FAT4: variants seen among roughly 807,000 people sequenced by gnomAD.
FAT4 encodes the protein FAT atypical cadherin 4.
Under a neutral mutation model 303.9 loss-of-function variants are expected in FAT4, and 84 were observed. That is an observed-to-expected ratio of 0.28 (90% CI 0.23 to 0.33). FAT4 has a LOEUF of 0.33. Ranked by LOEUF, FAT4 falls within the 10% of genes least tolerant of loss-of-function variation. FAT4 has a pLI of 1.00. For synonymous variants in FAT4, 2,307 were observed against 2,298.8 expected, an observed-to-expected ratio of 1.00 and a Z score of -0.10; for missense variants, 6,005 against 6,146.8, an observed-to-expected ratio of 0.98 and a Z score of 0.77.
At position 125,317,874 on chromosome 4, in the gene FAT4, C is replaced by T; in HGVS notation, c.1463C>T (p.Ala488Val). 6.2e-7 allele frequency: 1 copy of T among 1,614,150 alleles called. No individual in the cohort carries two copies. Among genetic ancestry groups the T allele is most frequent in the Non-Finnish European group, 8.5e-7 (1 of 1,180,012 alleles). ...TACAGAGTGAACCTGAGCGAGGAGG[C>T]GCCTCCGGGAAGCTATGTGAGTGGG... ...QVYRVNLSEE[A>V]PPGSYVSGIS... is the part of the protein sequence containing the mutation. Residue 488 changes from alanine (A) to valine (V), a missense_variant, in exon 2 of 18, where the codon GCG becomes GTG. Coordinates refer to ENST00000394329, the MANE Select transcript of FAT4 (RefSeq NM_001291303.3). This position sits in a 1 kb window ranked among gnomAD's most constrained non-coding sequence, Gnocchi z 7.0.
At chr4:125,325,781 TGTGA>T (rs1276688814) in intron 2 of FAT4, among the ~76,000 whole-genome samples, 1 of 152,240 alleles carries the variant, frequency 6.6e-6, no homozygotes, top group Non-Finnish European at 1.5e-5. Context: ...TTTGTTTTAC[TGTGA>T]GTATGTGGTG....
At chr4:125,393,621 T>G (rs565709656) in intron 2 of FAT4, among the ~76,000 whole-genome samples, 1 of 152,286 alleles carries the variant, frequency 6.6e-6, no homozygotes, top group East Asian at 1.9e-4. Flanking sequence ...CATTATATTA[T>G]TTTATGCACT....
chr4:125,465,924 A>G (rs1475850553), intron 11 of FAT4, among the ~76,000 whole-genome samples: 1 of 152,220 alleles, frequency 6.6e-6, no homozygotes, highest in Non-Finnish European at 1.5e-5. Context: ...TTTGTTCTCA[A>G]ATGGAATGTG....
Position 125,468,608 on chromosome 4 carries a change from A to C in FAT4, c.12002A>C (p.Tyr4001Ser). 4.3e-5 allele frequency: 70 copies of C among 1,614,106 alleles called. No homozygotes were observed. Among genetic ancestry groups the C allele is most frequent in the Non-Finnish European group, 5.9e-5 (70 of 1,180,014 alleles). Reference sequence around the variant, plus strand: ...TTGGACCCCAATAACAACTATATTTATGTCAAATTTGCCACGATTAAAAGT... The same window carrying C: ...TTGGACCCCAATAACAACTATATTTCTGTCAAATTTGCCACGATTAAAAGT... Reference protein sequence around the residue: ...PSLDPNNNYIYVKFATIKSHA... With the variant: ...PSLDPNNNYISVKFATIKSHA... Residue 4001 changes from tyrosine to serine, a missense_variant, in exon 12 of 18, where the codon TAT becomes TCT. Physicochemically the swap from Tyr to Ser is moderately radical, Grantham distance 144 (BLOSUM62 -2). Coordinates refer to ENST00000394329, the MANE Select transcript of FAT4 (RefSeq NM_001291303.3).
At chr4:125,402,727 C>T (rs1734435883) in intron 3 of FAT4, among the ~76,000 whole-genome samples, 1 of 152,000 alleles carries the variant, frequency 6.6e-6, no homozygotes, top group Admixed American at 6.6e-5. Context: ...TGTATGGAAA[C>T]TGTGGATGCT....
rs2126057466 is a variant in FAT4 at position 125,449,006 on chromosome 4, G to A, written c.7996G>A (p.Asp2666Asn). ...KLDITVLDVN[D>N]NAPIFKEDPF... The stretch of plus-strand genomic sequence containing the variant: ...TGATATAACAGTATTAGATGTCAAT[G>A]ATAATGCCCCAATTTTTAAGGAAGA... The change falls in exon 10 of 18, where the codon GAT becomes AAT. Residue 2666 changes from aspartate (D) to asparagine (N), a missense_variant. Physicochemically the swap from Asp to Asn is conservative, Grantham distance 23. Transcript: ENST00000394329. The A allele has an allele frequency of 1.9e-6, 3 of 1,613,770 alleles. No homozygotes were observed. The highest frequency in any genetic ancestry group is 2.5e-6 in the Non-Finnish European group (3 of 1,179,834).
intron 11 of FAT4, among the ~76,000 whole-genome samples, chr4:125,464,062 A>G (rs1312709242): frequency 6.6e-6 from 1 of 151,994 alleles, no homozygotes; most frequent in Non-Finnish European, 1.5e-5. Flanking sequence ...ACTTTTGTGA[A>G]TTTTGCTTTA....
At chr4:125,394,110 G>T in intron 2 of FAT4, 1 of 630,754 alleles carries the variant, frequency 1.6e-6, no homozygotes. Flanking sequence ...TCAACATTTG[G>T]TAGGCATGCA....
intron 16 of FAT4, among the ~76,000 whole-genome samples, chr4:125,483,402 G>C (rs758714585): frequency 6.6e-5 from 10 of 152,008 alleles, no homozygotes; most frequent in Non-Finnish European, 1.5e-4. Context: ...CCAAGTCTTC[G>C]TGCCATTTAA....
chr4:125,454,868 T>C (rs1384475724), intron 10 of FAT4, among the ~76,000 whole-genome samples: 4 of 152,162 alleles, frequency 2.6e-5, no homozygotes, highest in Non-Finnish European at 5.9e-5. Flanking sequence ...TGGTACACTG[T>C]GCAGTATTCA....
chr4:125,451,849 T>C lies in FAT4; in HGVS notation c.10839T>C (p.Pro3613=), dbSNP rs143871901. ...CAGTTATAGACCAAAATGACAATCC[T>C]TCACAGTCTCGGACGGTGGAGATAT... is the stretch of plus-strand genomic sequence containing the variant. The part of the protein sequence containing the change: ...HITVIDQNDN[P]SQSRTVEIFV... Residue 3613 remains proline, a synonymous_variant, in exon 10 of 18, where the codon CCT becomes CCC. Coordinates refer to ENST00000394329, the MANE Select transcript of FAT4 (RefSeq NM_001291303.3). 1.9e-5 allele frequency: 31 copies of C among 1,614,022 alleles called. No homozygotes were observed. In the African/African-American group the frequency reaches 3.9e-4, roughly 20 times the overall value.
chr4:125,338,954 TA>T (rs1452340631), intron 2 of FAT4, among the ~76,000 whole-genome samples: 1 of 152,174 alleles, frequency 6.6e-6, no homozygotes, highest in East Asian at 1.9e-4. Context: ...AGGGATACTC[TA>T]GTGTACCTTG....
At chr4:125,456,496 A>T (rs927636042) in intron 10 of FAT4, among the ~76,000 whole-genome samples, 1 of 146,640 alleles carries the variant, frequency 6.8e-6, no homozygotes, top group African/African-American at 2.5e-5. Flanking sequence ...CTGTATGAAA[A>T]AAACCATCCA....
intron 2 of FAT4, among the ~76,000 whole-genome samples, chr4:125,363,531 G>C (rs1164581209): frequency 6.6e-6 from 1 of 151,330 alleles, no homozygotes. Flanking sequence ...GAATCTTGCT[G>C]TATTGCCAGC....
At position 125,451,855 on chromosome 4, in the gene FAT4, G is replaced by T; in HGVS notation, c.10845G>T (p.Gln3615His). The T allele has an allele frequency of 6.2e-7, 1 of 1,614,120 alleles. No individual in the cohort carries two copies. The highest frequency in any genetic ancestry group is 8.5e-7 in the Non-Finnish European group (1 of 1,180,034). The part of the protein sequence containing the change: ...TVIDQNDNPS[Q>H]SRTVEIFVNY... ...TAGACCAAAATGACAATCCTTCACA[G>T]TCTCGGACGGTGGAGATATTTGTTA... Residue 3615 changes from glutamine to histidine, a missense_variant, in exon 10 of 18, where the codon CAG (glutamine) becomes CAT (histidine). Gln to His is a conservative substitution (Grantham distance 24). Transcript: ENST00000394329.
intron 8 of FAT4, among the ~76,000 whole-genome samples, chr4:125,434,655 ATC>A (rs1230964459): frequency 6.6e-6 from 1 of 152,024 alleles, no homozygotes; most frequent in Non-Finnish European, 1.5e-5. Flanking sequence ...TTTTTATCAT[ATC>A]TCATGGTTTT....
chr4:125,407,088 C>G lies in FAT4; in HGVS notation c.5516C>G (p.Pro1839Arg). The G allele has an allele frequency of 6.2e-7, 1 of 1,613,584 alleles. No homozygotes were observed. Among genetic ancestry groups the G allele is most frequent in the Non-Finnish European group, 8.5e-7 (1 of 1,179,748 alleles). The change falls in exon 4 of 18, where the codon CCC becomes CGC. Residue 1839 changes from proline to arginine, a missense_variant. Physicochemically the swap from Pro to Arg is moderately radical, Grantham distance 103. Transcript: ENST00000394329. ...GTCAGTGATGTGAATGACCATACAC[C>G]CAAATTTTCCAGACCCGTGTACTCT... ...ITVSDVNDHT[P>R]KFSRPVYSFD... is the part of the protein sequence containing the mutation.
intron 5 of FAT4, among the ~76,000 whole-genome samples, chr4:125,412,946 A>G (rs1326352550): frequency 6.6e-6 from 1 of 151,754 alleles, no homozygotes; most frequent in East Asian, 1.9e-4. Flanking sequence ...ACTTTTTTGT[A>G]GGAAATGCAG....
chr4:125,325,394 G>A (rs1042649110), intron 2 of FAT4, among the ~76,000 whole-genome samples: 10 of 151,988 alleles, frequency 6.6e-5, no homozygotes, highest in South Asian at 2.1e-4. Flanking sequence ...ATTTTTACTC[G>A]AAAGCTCAAA....
Sources: gnomAD v4.1 joint callset for allele counts (sites outside exome capture counted in the v4.1 genomes callset) on GRCh38, gnomAD v4.1.1 for gene constraint, Gnocchi (gnomAD v3.1) non-coding constraint, MANE v1.5 for transcripts, NCBI Gene and HGNC (gene_info 2026-07-23, HGNC 2026-07-21) for gene names.